Variants in SBF1 observed in about 807,000 individuals in gnomAD.
SBF1 encodes myotubularin-related protein 5.
A neutral mutation model predicts 215.8 loss-of-function variants in SBF1; 65 were observed. The observed-to-expected ratio is 0.30, with a 90% CI of 0.25 to 0.37. The LOEUF (loss-of-function observed/expected upper bound fraction) is 0.37, where lower values mean the gene tolerates loss of function less well. Ranked by LOEUF, SBF1 falls within the 10% of genes least tolerant of loss-of-function variation. The pLI is 1.00. For synonymous variants in SBF1, 1,410 were observed against 1,122.8 expected, an observed-to-expected ratio of 1.26 and a Z score of -5.11; for missense variants, 2,634 against 2,667.8, an observed-to-expected ratio of 0.99 and a Z score of 0.28.
intron 40 of SBF1, 39 bp from the exon 41 acceptor site, chr22:50,447,279 C>A: frequency 6.2e-7 from 1 of 1,613,412 alleles, no homozygotes; most frequent in Non-Finnish European, 8.5e-7. Flanking sequence ...AGCCCCCACA[C>A]CGCAGAGCCC....
rs1010989734 is a variant in SBF1, at chr22:50,474,823, G to A, written c.18C>T (p.Asp6=). 1.3e-5 allele frequency: 19 copies of A among 1,425,992 alleles called. No individual in the cohort carries two copies. The African/African-American group carries it at 2.4e-4, about 18-fold the overall frequency. The allele number at this position is 1,425,992 out of a possible 1,614,324, so 88.3% of individuals were successfully genotyped here. ...GCCCGAACGCCACCAGCACGAAGTA[G>A]TCCGCGAGCCGCGCCATGGCGAGGG... MARLA[D]YFVLVAFGPH... Residue 6 remains aspartate (D), a synonymous_variant, in exon 1 of 41, where the codon GAC becomes GAT. Transcript: ENST00000380817.
rs1276480774 is a variant in SBF1 at position 50,462,666 on chromosome 22, C to T, written c.2020G>A (p.Val674Met). 2.7e-5 allele frequency: 43 copies of T among 1,612,546 alleles called. No individual in the cohort carries two copies. The highest frequency in any genetic ancestry group is 3.5e-5 in the Non-Finnish European group (41 of 1,179,666). The change falls in exon 18 of 41, where the codon GTG becomes ATG. Residue 674 changes from valine to methionine, a missense_variant. By Grantham distance (21) the Val-to-Met change is conservative. Transcript: ENST00000380817. The stretch of plus-strand genomic sequence containing the variant: ...CAGAACTGTGGCGTGCTCCACACCA[C>T]GTGCTCCTGCACACAGCTGTATGCA... ...QFAYSCVQEHVVWSTPQFWEA... is the reference protein window; with the variant it reads ...QFAYSCVQEHMVWSTPQFWEA...
In SBF1 at chr22:50,456,377, G is replaced by C. The variant is rs1182555765; in HGVS notation, c.4105C>G (p.Leu1369Val). ...AQLKGVRSDP[L>V]QQWELVPIEV... Reference sequence around the variant, plus strand: ...ATGGGCACCAGCTCCCACTGCTGCAGGGGGTCTGACCGCACACCCTGAAAA... The same window carrying C: ...ATGGGCACCAGCTCCCACTGCTGCACGGGGTCTGACCGCACACCCTGAAAA... The change falls in exon 31 of 41, where the codon CTG becomes GTG. Residue 1369 changes from leucine (L) to valine (V), a missense_variant. Transcript: ENST00000380817. 6 of 1,612,862 alleles carry C rather than the reference G, an allele frequency of 3.7e-6. No individual in the cohort carries two copies. Among genetic ancestry groups the C allele is most frequent in the Non-Finnish European group, 5.1e-6 (6 of 1,179,976 alleles).
chr22:50,462,936 G>A lies in SBF1; in HGVS notation c.1902C>T (p.Asp634=), dbSNP rs1352057001. 1.9e-6 allele frequency: 3 copies of A among 1,612,430 alleles called. No homozygotes were observed. The highest frequency in any genetic ancestry group is 2.5e-6 in the Non-Finnish European group (3 of 1,179,662). Residue 634 remains aspartate (D), a splice_region_variant and synonymous_variant, in exon 17 of 41, where the codon GAC becomes GAT. Transcript: ENST00000380817. ...TGCCATGCTCGTCCAGAGAAGTGCA[G>A]TCCTGCAGGTAGAGCGAGAGACCGT... The part of the protein sequence containing the change: ...VVRMMNCCLQ[D]CTSLDEHGIA...
intron 1 of SBF1, among the ~76,000 whole-genome samples, chr22:50,470,299 C>T (rs1401380211): frequency 6.6e-6 from 1 of 152,142 alleles, no homozygotes; most frequent in Non-Finnish European, 1.5e-5. Flanking sequence ...TGCAGCCTCC[C>T]CAAGGCCAGG....
chr22:50,461,777 C>A lies in SBF1; in HGVS notation c.2643+19G>T. ...AGCCCGGGCCTTGGGCCCCCGCAGCCCCAACGGCCCCCGCAAACCTTCTGG... is the reference window on the plus strand; with the variant it reads ...AGCCCGGGCCTTGGGCCCCCGCAGCACCAACGGCCCCCGCAAACCTTCTGG... On this transcript the variant is annotated intron_variant, in intron 21 of 40. Transcript: ENST00000380817. 6.2e-7 allele frequency: 1 copy of A among 1,612,412 alleles called. No homozygotes were observed. The highest frequency in any genetic ancestry group is 1.7e-5 in the Admixed American group (1 of 60,000).
Position 50,467,891 on chromosome 22 carries a change from G to A in SBF1, c.174C>T (p.Pro58=), listed in dbSNP as rs774379778. 1.7e-5 allele frequency: 27 copies of A among 1,613,812 alleles called. No homozygotes were observed. Among genetic ancestry groups the A allele is most frequent in the East Asian group, 6.7e-5 (3 of 44,896 alleles). ...CAAAGAAGGTCGGTGGATTCCTCTC[G>A]GGACACAGCTGCCACCCGCTGGGCT... ...FCQPSGWQLC[P]ERNPPTFFVA... Residue 58 remains proline (P), a synonymous_variant, in exon 3 of 41, where the codon CCC becomes CCT. Transcript: ENST00000380817.
intron 1 of SBF1, among the ~76,000 whole-genome samples, chr22:50,472,759 G>A: frequency 6.6e-6 from 1 of 152,176 alleles, no homozygotes; most frequent in East Asian, 1.9e-4. Context: ...CACCGGCCCT[G>A]GTACCTGGCT....
chr22:50,469,386 C>T (rs2067913718), intron 1 of SBF1, among the ~76,000 whole-genome samples: 1 of 152,262 alleles, frequency 6.6e-6, no homozygotes, highest in African/African-American at 2.4e-5. Context: ...GGCCCCAGAA[C>T]TACCACATCC....
Position 50,464,895 on chromosome 22 carries a change from C to T in SBF1, c.1355G>A (p.Arg452Lys), listed in dbSNP as rs911304663. Residue 452 changes from arginine to lysine, a missense_variant, in exon 13 of 41, where the codon AGG (arginine) becomes AAG (lysine). Coordinates refer to ENST00000380817, the MANE Select transcript of SBF1 (RefSeq NM_002972.4). ...FDELVAHEVARMRADENHPQR... is the reference protein window; with the variant it reads ...FDELVAHEVAKMRADENHPQR... The stretch of plus-strand genomic sequence containing the variant: ...GGGGTGGTTCTCATCCGCCCGCATC[C>T]TTGCCACCTCGTGGGCCACCAGCTA... 1.9e-6 allele frequency: 3 copies of T among 1,613,780 alleles called. No individual in the cohort carries two copies. Among genetic ancestry groups the T allele is most frequent in the Non-Finnish European group, 2.5e-6 (3 of 1,180,010 alleles).
chr22:50,448,750 G>T, intron 36 of SBF1, 100 bp from the exon 37 acceptor site: 1 of 903,664 alleles, frequency 1.1e-6, no homozygotes, highest in Non-Finnish European at 1.7e-6. Flanking sequence ...CAACGGAAAG[G>T]CCTAACGCGT....
chr22:50,472,444 G>A (rs1438190935), intron 1 of SBF1, among the ~76,000 whole-genome samples: 1 of 152,162 alleles, frequency 6.6e-6, no homozygotes, highest in African/African-American at 2.4e-5. Context: ...AGAACAGAGA[G>A]GATCCTCTAC....
intron 14 of SBF1, 24 bp from the exon 15 acceptor site, chr22:50,464,465 T>TCG: frequency 6.2e-7 from 1 of 1,608,138 alleles, no homozygotes; most frequent in Non-Finnish European, 8.5e-7. Flanking sequence ...ATACACACAC[T>TCG]CGGACCCCTG....
chr22:50,456,427 A>T (rs1569510680), intron 30 of SBF1, 32 bp from the exon 31 acceptor site: 1 of 1,605,676 alleles, frequency 6.2e-7, no homozygotes. Context: ...CCCGTGAGAC[A>T]CATGAGGCCC....
At chr22:50,474,149 G>A (rs939695914) in intron 1 of SBF1, among the ~76,000 whole-genome samples, 12 of 152,178 alleles carry the variant, frequency 7.9e-5, no homozygotes, top group African/African-American at 2.9e-4. Context: ...CCCCACCCAG[G>A]GCTTGGCGTG....
intron 36 of SBF1, among the ~76,000 whole-genome samples, chr22:50,450,175 C>T (rs1359784320): frequency 6.6e-6 from 1 of 152,206 alleles, no homozygotes; most frequent in Non-Finnish European, 1.5e-5. Flanking sequence ...AATTAGGCTG[C>T]CATGTGCAAA....
At chr22:50,453,141 T>C (rs1337313977) in intron 36 of SBF1, among the ~76,000 whole-genome samples, 1 of 152,022 alleles carries the variant, frequency 6.6e-6, no homozygotes, top group Non-Finnish European at 1.5e-5. Context: ...CCCAACTACA[T>C]CTACATTCTG....
intron 15 of SBF1, 63 bp downstream of exon 15, chr22:50,464,266 T>G (rs1044142899): frequency 1.5e-6 from 2 of 1,358,284 alleles, no homozygotes; most frequent in African/African-American, 2.9e-5. Context: ...AAGGGTGAAG[T>G]GCAGCCTGGG....
At chr22:50,471,439 G>A (rs986001930) in intron 1 of SBF1, among the ~76,000 whole-genome samples, 3 of 152,226 alleles carry the variant, frequency 2.0e-5, no homozygotes, top group Non-Finnish European at 4.4e-5. Context: ...AGGCCAGCGT[G>A]TGCTGTGGGG....
Sources: gnomAD v4.1 joint callset for allele counts (sites outside exome capture counted in the v4.1 genomes callset) on GRCh38, gnomAD v4.1.1 for gene constraint, MANE v1.5 for transcripts, NCBI Gene and HGNC (gene_info 2026-07-23, HGNC 2026-07-21) for gene names.